The following TASP1 variants were observed in gnomAD, a reference collection of about 807,000 sequenced individuals.
TASP1 encodes threonine aspartase 1.
In TASP1, 16 loss-of-function variants were observed where a neutral mutation model predicts 56.6. The ratio of observed to expected loss-of-function variants is 0.28; its 90% CI spans 0.19 to 0.43. The LOEUF is 0.43. Among genes scored for constraint, TASP1 ranks in the 20% least tolerant of loss-of-function variants. The pLI, the probability that TASP1 is intolerant of heterozygous loss-of-function variation, is 1.00. For synonymous variants in TASP1, 179 were observed against 184.2 expected (o/e 0.97, Z 0.23); for missense variants, 393 against 511.6 (o/e 0.77, Z 2.24).
the TASP1 span, among the ~76,000 whole-genome samples, chr20:13,325,913 C>G: frequency 6.6e-6 from 1 of 152,202 alleles, no homozygotes; most frequent in East Asian, 1.9e-4. Context: ...ACACGTCGAC[C>G]ATCAAAAAAG....
At chr20:13,164,755 T>A in the TASP1 span, 1 of 1,612,604 alleles carries the variant, frequency 6.2e-7, no homozygotes, top group Admixed American at 1.7e-5. Context: ...TCATTGCAGG[T>A]TTTAGAAGCT....
the TASP1 span, among the ~76,000 whole-genome samples, chr20:13,304,912 T>C: frequency 4.2e-3 from 643 of 152,328 alleles, 4 homozygotes; most frequent in African/African-American, 0.015. Context: ...TGGAATCTTC[T>C]ACCAAATAAG....
intron 7 of TASP1, among the ~76,000 whole-genome samples, chr20:13,562,915 ATGTGTGTGTGTG>A (rs199844282): frequency 4.7e-5 from 6 of 128,680 alleles, no homozygotes; most frequent in Admixed American, 7.7e-5. Flanking sequence ...ACATATATAT[ATGTGTGTGTGTG>A]TGTGTGTGTG....
Position 13,630,135 on chromosome 20 carries a change from T to C in TASP1, c.-57A>G. 6.4e-7 allele frequency: 1 copy of C among 1,567,160 alleles called. No individual in the cohort carries two copies. The highest frequency in any genetic ancestry group is 8.6e-7 in the Non-Finnish European group (1 of 1,159,584). ...GGGCATACTTCCATCCAAAAGTAATTGCAGGAGAGGAATTACCCTAAAGGA... is the reference window on the plus strand; with the variant it reads ...GGGCATACTTCCATCCAAAAGTAATCGCAGGAGAGGAATTACCCTAAAGGA... On this transcript the variant is annotated 5_prime_UTR_variant, in exon 2 of 14. Transcript: ENST00000337743.
chr20:13,592,839 T>C (rs888816301), intron 4 of TASP1, among the ~76,000 whole-genome samples: 2 of 152,218 alleles, frequency 1.3e-5, no homozygotes, highest in African/African-American at 4.8e-5. Flanking sequence ...TAATAAGCAA[T>C]GAATGCTACA....
chr20:13,384,056 A>C, the TASP1 span, among the ~76,000 whole-genome samples: 4 of 152,210 alleles, frequency 2.6e-5, no homozygotes, highest in Non-Finnish European at 5.9e-5. Flanking sequence ...TGTTTTTCTT[A>C]ATATATTGGA....
At chr20:13,269,505 C>T in the TASP1 span, among the ~76,000 whole-genome samples, 2 of 152,082 alleles carry the variant, frequency 1.3e-5, no homozygotes, top group East Asian at 3.9e-4. Context: ...ATGGTTCTTC[C>T]CTCCTTCTCT....
downstream of TASP1, among the ~76,000 whole-genome samples, chr20:13,386,731 T>A (rs951347848): frequency 6.6e-6 from 1 of 152,182 alleles, no homozygotes; most frequent in Non-Finnish European, 1.5e-5. Flanking sequence ...GATGTCCTCA[T>A]ACCCGTAAAC....
intron 10 of TASP1, among the ~76,000 whole-genome samples, chr20:13,499,284 AAAC>A (rs1199528712): frequency 6.6e-6 from 1 of 152,108 alleles, no homozygotes; most frequent in Non-Finnish European, 1.5e-5. Context: ...ATAAATATGA[AAAC>A]AATAGACACC....
chr20:13,608,801 G>A (rs956080542), intron 4 of TASP1, among the ~76,000 whole-genome samples: 1 of 152,224 alleles, frequency 6.6e-6, no homozygotes, highest in Non-Finnish European at 1.5e-5. Context: ...AGCAGTGAAC[G>A]AAACAGAAAA....
chr20:13,121,281 C>G, the TASP1 span, among the ~76,000 whole-genome samples: 2 of 152,276 alleles, frequency 1.3e-5, no homozygotes, highest in South Asian at 2.1e-4. Context: ...GAGAAGGGAA[C>G]TGGGACAGGG....
At chr20:13,450,859 C>T (rs1018574095) in intron 11 of TASP1, among the ~76,000 whole-genome samples, 1 of 152,082 alleles carries the variant, frequency 6.6e-6, no homozygotes, top group African/African-American at 2.4e-5. Flanking sequence ...TCAAAAGCAA[C>T]AAATCCTGAT....
rs537248673 is a variant in TASP1, at chr20:13,513,629, T to G, written c.874+14804A>C. 1.2e-4 allele frequency among the ~76,000 whole-genome samples: 19 copies of G among 152,230 alleles called. No individual in the cohort carries two copies. In the South Asian group the frequency reaches 2.9e-3, roughly 23 times the overall value. On this transcript the variant is annotated intron_variant, in intron 10 of 13. Transcript: ENST00000337743. ...TAGCAGAAAGAAAAAATAAAGTGAATGACGGTAGCTAGGACTTTCTATTAA... is the reference window on the plus strand; with the variant it reads ...TAGCAGAAAGAAAAAATAAAGTGAAGGACGGTAGCTAGGACTTTCTATTAA...
At chr20:13,144,992 G>A in the TASP1 span, among the ~76,000 whole-genome samples, 1 of 151,992 alleles carries the variant, frequency 6.6e-6, no homozygotes, top group Non-Finnish European at 1.5e-5. Context: ...AGCCAGGATG[G>A]TCTTGAGCTC....
intron 13 of TASP1, among the ~76,000 whole-genome samples, chr20:13,402,327 C>T (rs765723680): frequency 6.6e-6 from 1 of 152,220 alleles, no homozygotes; most frequent in Non-Finnish European, 1.5e-5. Context: ...GTTTTTCATA[C>T]ATTCAATCTT....
intron 8 of TASP1, among the ~76,000 whole-genome samples, chr20:13,550,514 C>A (rs2045947811): frequency 6.6e-6 from 1 of 151,996 alleles, no homozygotes; most frequent in African/African-American, 2.4e-5. Flanking sequence ...ACAATCATTT[C>A]ACAGAATGAG....
chr20:13,480,740 A>G (rs2043111532), intron 11 of TASP1, among the ~76,000 whole-genome samples: 1 of 152,224 alleles, frequency 6.6e-6, no homozygotes, highest in African/African-American at 2.4e-5. Context: ...CTCAACAACC[A>G]TAAAGTTACC....
At chr20:13,447,920 T>C (rs1458732152) in intron 11 of TASP1, among the ~76,000 whole-genome samples, 3 of 152,178 alleles carry the variant, frequency 2.0e-5, no homozygotes, top group Non-Finnish European at 4.4e-5. Flanking sequence ...CAGTTGGTCA[T>C]ATATTTGTTA....
At position 13,483,214 on chromosome 20, in the gene TASP1, A is replaced by T; in HGVS notation, c.985+13T>A. On this transcript the variant is annotated intron_variant, in intron 11 of 13. Coordinates refer to ENST00000337743, the MANE Select transcript of TASP1 (RefSeq NM_017714.3). ...ATATTTAGAAGATGTAATCTTCTTA[A>T]TGTTATACTTACTGATAAACTTGTT... The T allele has an allele frequency of 6.5e-7, 1 of 1,550,360 alleles. No homozygotes were observed. The highest frequency in any genetic ancestry group is 1.2e-5 in the South Asian group (1 of 83,238).
Sources: allele counts gnomAD v4.1 joint callset (sites outside exome capture counted in the v4.1 genomes callset), GRCh38; gene constraint gnomAD v4.1.1; transcripts MANE v1.5; gene names NCBI Gene and HGNC (gene_info 2026-07-23, HGNC 2026-07-21).